The following DLG2 variants were observed in gnomAD, a reference collection of about 807,000 sequenced individuals.
The protein encoded by DLG2 is disks large homolog 2.
A neutral mutation model predicts 132.5 loss-of-function variants in DLG2; 45 were observed. The observed-to-expected ratio is 0.34, with a 90% CI of 0.27 to 0.44. The LOEUF (loss-of-function observed/expected upper bound fraction) is 0.44. Among genes scored for constraint, DLG2 ranks in the 20% least tolerant of loss-of-function variants. DLG2 has a pLI of 1.00. For synonymous variants in DLG2, 424 were observed against 419.6 expected, an observed-to-expected ratio of 1.01 and a Z score of -0.13; for missense variants, 1,045 against 1,196.9, an observed-to-expected ratio of 0.87 and a Z score of 1.87.
intron 6 of DLG2, among the ~76,000 whole-genome samples, chr11:84,943,841 G>A (rs899129325): frequency 2.6e-5 from 4 of 151,986 alleles, no homozygotes; most frequent in African/African-American, 9.7e-5. Context: ...AGTGAGTTTT[G>A]TACCTTCAGA....
intron 11 of DLG2, among the ~76,000 whole-genome samples, chr11:83,986,462 T>A (rs1286517883): frequency 2.0e-5 from 3 of 148,904 alleles, no homozygotes; most frequent in African/African-American, 5.0e-5. Flanking sequence ...TCTATCATTG[T>A]TGGACATTTG....
In DLG2 at chr11:83,963,039, A is replaced by G. The variant is rs1230066817; in HGVS notation, c.1202-16T>C. ...GGAGAATAAGCTAAGAGGTGGGGGA[A>G]AAAGAGAAAAGAAACCTGTTATGTG... is the stretch of plus-strand genomic sequence containing the variant. On this transcript the variant is annotated splice_polypyrimidine_tract_variant and intron_variant, in intron 13 of 27. Transcript: ENST00000376104. 2 of 1,611,110 alleles carry G rather than the reference A, an allele frequency of 1.2e-6. No homozygotes were observed. Among genetic ancestry groups the G allele is most frequent in the African/African-American group, 2.7e-5 (2 of 74,782 alleles).
At chr11:84,096,979 G>A (rs1205770861) in intron 10 of DLG2, among the ~76,000 whole-genome samples, 2 of 151,910 alleles carry the variant, frequency 1.3e-5, no homozygotes, top group East Asian at 1.9e-4. Context: ...CAGAAAAACT[G>A]GATAAGGAAT....
chr11:84,547,451 A>G (rs971813550), intron 6 of DLG2, among the ~76,000 whole-genome samples: 1 of 152,142 alleles, frequency 6.6e-6, no homozygotes, highest in African/African-American at 2.4e-5. Context: ...GTATGCAAAA[A>G]GAATTTACTG....
chr11:83,912,091 A>C (rs1329349481), intron 15 of DLG2, among the ~76,000 whole-genome samples: 2 of 152,096 alleles, frequency 1.3e-5, no homozygotes, highest in Non-Finnish European at 2.9e-5. Context: ...TCAGCATACA[A>C]GGGCTGTCAT....
At chr11:85,622,312 A>C (rs2081769952) in intron 2 of DLG2, among the ~76,000 whole-genome samples, 1 of 152,138 alleles carries the variant, frequency 6.6e-6, no homozygotes, top group Non-Finnish European at 1.5e-5. Context: ...GCATCAGAAA[A>C]CCAGAATATT....
intron 6 of DLG2, among the ~76,000 whole-genome samples, chr11:84,910,138 G>A (rs532502589): frequency 1.3e-4 from 20 of 152,262 alleles, no homozygotes; most frequent in South Asian, 8.3e-4. Context: ...AATGAGAATG[G>A]GCAGACATCC....
intron 7 of DLG2, among the ~76,000 whole-genome samples, chr11:84,496,291 T>A (rs1170262597): frequency 6.6e-6 from 1 of 152,182 alleles, no homozygotes. Context: ...GAACAATGAC[T>A]ACTGCATTCT....
chr11:84,288,438 T>G (rs2097940121), intron 7 of DLG2, among the ~76,000 whole-genome samples: 1 of 152,100 alleles, frequency 6.6e-6, no homozygotes, highest in African/African-American at 2.4e-5. Context: ...AATAAGAAGC[T>G]ATGAAGATAG....
At chr11:83,848,859 C>T (rs907594016) in intron 16 of DLG2, among the ~76,000 whole-genome samples, 2 of 152,216 alleles carry the variant, frequency 1.3e-5, no homozygotes, top group Non-Finnish European at 2.9e-5. Flanking sequence ...GAATGCCCAT[C>T]TCCAGATGAA....
intron 8 of DLG2, among the ~76,000 whole-genome samples, chr11:84,191,578 C>T (rs2096408494): frequency 6.6e-6 from 1 of 152,178 alleles, no homozygotes; most frequent in Non-Finnish European, 1.5e-5. Context: ...GCCTGGTTTG[C>T]AAATGAACTA....
intron 6 of DLG2, among the ~76,000 whole-genome samples, chr11:84,832,216 T>A (rs1284821954): frequency 1.3e-5 from 2 of 151,638 alleles, no homozygotes; most frequent in Non-Finnish European, 3.0e-5. Context: ...AGAAATCAAA[T>A]GAAATAAATT....
chr11:83,751,406 TAGG>T (rs2093300144), intron 18 of DLG2, among the ~76,000 whole-genome samples: 1 of 152,124 alleles, frequency 6.6e-6, no homozygotes, highest in South Asian at 2.1e-4. Flanking sequence ...CTGGGTGGGA[TAGG>T]AGAAGTTTAG....
intron 11 of DLG2, among the ~76,000 whole-genome samples, chr11:84,027,567 T>C (rs1220868020): frequency 6.6e-6 from 1 of 152,028 alleles, no homozygotes; most frequent in African/African-American, 2.4e-5. Flanking sequence ...AATGGATAAA[T>C]CAACTTTAAA....
intron 4 of DLG2, among the ~76,000 whole-genome samples, chr11:85,274,040 G>T (rs867581211): frequency 1.3e-5 from 2 of 152,144 alleles, no homozygotes; most frequent in African/African-American, 4.8e-5. Flanking sequence ...TCACTCATAG[G>T]TGGGAATTGA....
intron 4 of DLG2, among the ~76,000 whole-genome samples, chr11:85,213,835 G>C (rs1226347431): frequency 1.3e-5 from 2 of 151,966 alleles, no homozygotes; most frequent in Non-Finnish European, 2.9e-5. Context: ...GAATTGTATT[G>C]GTTTACAATG....
intron 19 of DLG2, among the ~76,000 whole-genome samples, chr11:83,578,730 G>A (rs901557318): frequency 2.0e-5 from 3 of 152,120 alleles, no homozygotes; most frequent in Non-Finnish European, 4.4e-5. Flanking sequence ...TGTAATAACA[G>A]CTTCAAAATA....
intron 11 of DLG2, among the ~76,000 whole-genome samples, chr11:84,001,887 TAAAAC>T (rs2094364270): frequency 6.6e-6 from 1 of 152,004 alleles, no homozygotes; most frequent in Admixed American, 6.6e-5. Flanking sequence ...AAAAAGTTCT[TAAAAC>T]AATTGAAAAT....
chr11:85,570,698 C>T (rs1346743137), intron 3 of DLG2, among the ~76,000 whole-genome samples: 1 of 152,056 alleles, frequency 6.6e-6, no homozygotes, highest in Non-Finnish European at 1.5e-5. Context: ...ATTTCCATTT[C>T]TCTGTCTCTT....
Sources: allele counts gnomAD v4.1 joint callset (sites outside exome capture counted in the v4.1 genomes callset), GRCh38; gene constraint gnomAD v4.1.1; transcripts MANE v1.5; gene names NCBI Gene and HGNC (gene_info 2026-07-23, HGNC 2026-07-21).